The following ARHGAP31 variants were observed in gnomAD, a reference collection of about 807,000 sequenced individuals.
The protein encoded by ARHGAP31 is Rho GTPase activating protein 31.
In ARHGAP31, 34 loss-of-function variants were observed where a neutral mutation model predicts 113.9. The observed-to-expected ratio is 0.30, with a 90% CI of 0.23 to 0.40. ARHGAP31 has a LOEUF of 0.40. Ranked by LOEUF, ARHGAP31 falls within the 10% of genes least tolerant of loss-of-function variation. ARHGAP31 has a pLI of 1.00. For missense variants in ARHGAP31, 1,548 were observed against 1,767.1 expected, an observed-to-expected ratio of 0.88 and a Z score of 2.22; for synonymous variants, 650 against 684.8, an observed-to-expected ratio of 0.95 and a Z score of 0.79.
Position 119,414,286 on chromosome 3 carries a change from C to A in ARHGAP31, c.2357C>A (p.Pro786His). Residue 786 changes from proline to histidine, a missense_variant, in exon 12 of 12, where the codon CCC (proline) becomes CAC (histidine). By Grantham distance (77) the Pro-to-His change is moderately conservative (BLOSUM62 -2). Transcript: ENST00000264245. ...TCTCCTCCACTCCCACCTGCTCCTC[C>A]CCCTCCAACTCCTCTGGAGGAGTCA... is the stretch of plus-strand genomic sequence containing the variant. ...NLSPPLPPAP[P>H]PPTPLEESTP... 6.2e-7 allele frequency: 1 copy of A among 1,614,192 alleles called. No homozygotes were observed. The highest frequency in any genetic ancestry group is 8.5e-7 in the Non-Finnish European group (1 of 1,180,026).
At position 119,409,616 on chromosome 3, in the gene ARHGAP31, C is replaced by A. The variant is rs1329349288; in HGVS notation, c.1766C>A (p.Thr589Asn). 1.2e-6 allele frequency: 2 copies of A among 1,613,760 alleles called. No individual in the cohort carries two copies. Among genetic ancestry groups the A allele is most frequent in the African/African-American group, 2.7e-5 (2 of 74,928 alleles). ...GGCGCCCACCTGGAGGAGAAGAAAACCCCAGAAAGCTCCTTGAGCTCTCAA... is the reference window on the plus strand; with the variant it reads ...GGCGCCCACCTGGAGGAGAAGAAAAACCCAGAAAGCTCCTTGAGCTCTCAA... ...EPGAHLEEKK[T>N]PESSLSSQHL... Residue 589 changes from threonine (T) to asparagine (N), a missense_variant, in exon 11 of 12, where the codon ACC becomes AAC. Thr to Asn is a moderately conservative substitution (Grantham distance 65). Transcript: ENST00000264245.
At chr3:119,405,807 C>T (rs903696321) in intron 10 of ARHGAP31, among the ~76,000 whole-genome samples, 1 of 152,152 alleles carries the variant, frequency 6.6e-6, no homozygotes, top group Non-Finnish European at 1.5e-5. Flanking sequence ...AAGTAGCCAC[C>T]AAATCTGTCA....
At chr3:119,384,368 T>C (rs1027833752) in intron 6 of ARHGAP31, among the ~76,000 whole-genome samples, 2 of 152,226 alleles carry the variant, frequency 1.3e-5, no homozygotes, top group Non-Finnish European at 2.9e-5. Flanking sequence ...TCTAATGCCA[T>C]ACTATTTTCA....
chr3:119,410,162 C>T (rs560799715), intron 11 of ARHGAP31, among the ~76,000 whole-genome samples: 30 of 152,006 alleles, frequency 2.0e-4, no homozygotes, highest in Non-Finnish European at 4.0e-4. Context: ...CCTTCTTCTT[C>T]TGGACATCCT....
At chr3:119,351,157 G>T (rs142410666) in intron 1 of ARHGAP31, among the ~76,000 whole-genome samples, 5 of 152,298 alleles carry the variant, frequency 3.3e-5, no homozygotes, top group African/African-American at 1.2e-4. Flanking sequence ...AGCACCTACT[G>T]CCTGGAAGAT....
At chr3:119,318,276 A>T (rs1191359837) in intron 1 of ARHGAP31, among the ~76,000 whole-genome samples, 4 of 152,110 alleles carry the variant, frequency 2.6e-5, no homozygotes, top group Non-Finnish European at 5.9e-5. Flanking sequence ...TCTCAATAAT[A>T]CCCAGCAGTT....
chr3:119,382,636 T>C (rs1235455787), intron 5 of ARHGAP31, among the ~76,000 whole-genome samples: 2 of 152,250 alleles, frequency 1.3e-5, no homozygotes, highest in Non-Finnish European at 2.9e-5. Flanking sequence ...ACAATATGGC[T>C]GAACTTATGG....
chr3:119,378,614 C>T (rs2080369374), intron 3 of ARHGAP31, among the ~76,000 whole-genome samples: 1 of 152,234 alleles, frequency 6.6e-6, no homozygotes, highest in Admixed American at 6.5e-5. Context: ...AGAGAAGCTC[C>T]CCACCCCTCC....
intron 3 of ARHGAP31, among the ~76,000 whole-genome samples, chr3:119,377,689 T>C (rs1406037344): frequency 6.6e-6 from 1 of 151,834 alleles, no homozygotes; most frequent in Admixed American, 6.5e-5. Flanking sequence ...ACACAGTGGT[T>C]CCTCTGGAGT....
At chr3:119,329,747 C>T (rs2079874870) in intron 1 of ARHGAP31, 12 of 958,788 alleles carry the variant, frequency 1.3e-5, no homozygotes, top group South Asian at 4.8e-5. Context: ...CCTGCCCGCT[C>T]ACAGAGCTCA....
At chr3:119,369,188 G>A (rs905828190) in intron 3 of ARHGAP31, among the ~76,000 whole-genome samples, 12 of 152,200 alleles carry the variant, frequency 7.9e-5, no homozygotes, top group South Asian at 2.1e-4. Context: ...TAGAGATAGC[G>A]TGAAAAACAT....
chr3:119,297,909 A>AACACAC (rs10575145), intron 1 of ARHGAP31, among the ~76,000 whole-genome samples: 1,829 of 142,742 alleles, frequency 0.013, 21 homozygotes, highest in African/African-American at 0.027. Context: ...TTTCCTTAGA[A>AACACAC]ACACACACAC....
At chr3:119,337,658 G>A (rs1203446085) in intron 1 of ARHGAP31, among the ~76,000 whole-genome samples, 1 of 152,136 alleles carries the variant, frequency 6.6e-6, no homozygotes, top group East Asian at 1.9e-4. Context: ...GTGCTGATTG[G>A]TCCGTTTTTA....
At chr3:119,379,382 G>T (rs902185136) in intron 3 of ARHGAP31, among the ~76,000 whole-genome samples, 4 of 152,180 alleles carry the variant, frequency 2.6e-5, no homozygotes, top group African/African-American at 9.7e-5. Context: ...CTCAACTAGT[G>T]TGTCCTAGGA....
At chr3:119,317,617 C>CT (rs1337436737) in intron 1 of ARHGAP31, among the ~76,000 whole-genome samples, 1 of 151,948 alleles carries the variant, frequency 6.6e-6, no homozygotes, top group African/African-American at 2.4e-5. Flanking sequence ...TATGTGAACA[C>CT]TAACAACACA....
intron 6 of ARHGAP31, among the ~76,000 whole-genome samples, chr3:119,384,690 T>C (rs2080433376): frequency 6.6e-6 from 1 of 152,208 alleles, no homozygotes; most frequent in African/African-American, 2.4e-5. Context: ...CCTCATGACC[T>C]GATCACCTCA....
At position 119,416,061 on chromosome 3, in the gene ARHGAP31, A is replaced by G. The variant is rs193198313; in HGVS notation, c.4132A>G (p.Ser1378Gly). 2.8e-4 allele frequency: 445 copies of G among 1,614,172 alleles called. 3 individuals are homozygous for G. In the East Asian group the frequency reaches 9.3e-3, roughly 34 times the overall value. ...DSKVLLSPIR[S>G]PTQTVSPGLL... Reference sequence around the variant, plus strand: ...CAAGGTCCTGCTGTCCCCTATCAGAAGTCCCACCCAGACAGTTTCCCCTGG... The same window carrying G: ...CAAGGTCCTGCTGTCCCCTATCAGAGGTCCCACCCAGACAGTTTCCCCTGG... Residue 1378 changes from serine (S) to glycine (G), a missense_variant, in exon 12 of 12, where the codon AGT becomes GGT. Physicochemically the swap from Ser to Gly is moderately conservative, Grantham distance 56 (BLOSUM62 0). Coordinates refer to ENST00000264245, the MANE Select transcript of ARHGAP31 (RefSeq NM_020754.4).
chr3:119,401,157 C>G (rs556552240), intron 9 of ARHGAP31, among the ~76,000 whole-genome samples: 1 of 134,894 alleles, frequency 7.4e-6, no homozygotes, highest in African/African-American at 3.1e-5. Context: ...GGCGACAGAG[C>G]TGTACTCCAT....
intron 1 of ARHGAP31, chr3:119,324,876 C>T: frequency 2.2e-6 from 1 of 453,946 alleles, no homozygotes; most frequent in Non-Finnish European, 4.4e-6. Context: ...ACCAAGGTCT[C>T]TTGGTCTCTC....
Sources: gnomAD v4.1 joint callset for allele counts (sites outside exome capture counted in the v4.1 genomes callset) on GRCh38, gnomAD v4.1.1 for gene constraint, MANE v1.5 for transcripts, NCBI Gene and HGNC (gene_info 2026-07-23, HGNC 2026-07-21) for gene names.